The following RAB8B variants were observed in gnomAD, a reference collection of about 807,000 sequenced individuals.
RAB8B encodes ras-related protein Rab-8B.
RAB8B carries 11 observed loss-of-function variants against 32.0 expected under a neutral mutation model. The ratio of observed to expected loss-of-function variants is 0.34; its 90% confidence interval spans 0.22 to 0.57. The LOEUF is 0.57. Ranked by LOEUF, RAB8B falls within the 20% of genes least tolerant of loss-of-function variation. The pLI, the probability that RAB8B is intolerant of heterozygous loss-of-function variation, is 0.86. For missense variants in RAB8B, 190 were observed against 258.5 expected (o/e 0.73, Z 1.82); for synonymous variants, 103 against 89.6 (o/e 1.15, Z -0.85).
At chr15:63,225,113 C>T (rs2037878068) in intron 1 of RAB8B, among the ~76,000 whole-genome samples, 1 of 152,196 alleles carries the variant, frequency 6.6e-6, no homozygotes, top group South Asian at 2.1e-4. Flanking sequence ...TATCATCATG[C>T]TTATCAGACA....
At chr15:63,241,039 G>A (rs1027114358) in intron 1 of RAB8B, among the ~76,000 whole-genome samples, 7 of 152,150 alleles carry the variant, frequency 4.6e-5, no homozygotes, top group African/African-American at 1.4e-4. Context: ...ATACATCGTC[G>A]TTTATTTAAA....
rs73443285 is a variant in RAB8B, at chr15:63,250,338, A to G, written c.246+633A>G. Among the ~76,000 whole-genome samples the G allele has an allele frequency of 4.4e-3, 667 of 152,176 alleles. 4 individuals carry two copies. The highest frequency in any genetic ancestry group is 0.014 in the African/African-American group (596 of 41,508). ...CAAACCACAAGCCCTATGACTAAGTATTCTTTTCTTATACTCTCTTGTCAT... is the reference window on the plus strand; with the variant it reads ...CAAACCACAAGCCCTATGACTAAGTGTTCTTTTCTTATACTCTCTTGTCAT... On this transcript the variant is annotated intron_variant, in intron 3 of 7. Coordinates refer to ENST00000321437, the MANE Select transcript of RAB8B (RefSeq NM_016530.3).
At chr15:63,206,238 A>G (rs1242142129) in intron 1 of RAB8B, among the ~76,000 whole-genome samples, 2 of 152,216 alleles carry the variant, frequency 1.3e-5, no homozygotes, top group East Asian at 3.8e-4. Flanking sequence ...GTATTTATCT[A>G]TAGTAATAAA....
At chr15:63,250,801 T>A (rs2038111488) in intron 3 of RAB8B, among the ~76,000 whole-genome samples, 1 of 150,312 alleles carries the variant, frequency 6.7e-6, no homozygotes, top group Non-Finnish European at 1.5e-5. Flanking sequence ...CTTTGAAGGT[T>A]GAACAACTGA....
intron 1 of RAB8B, among the ~76,000 whole-genome samples, chr15:63,196,903 A>G (rs1278322806): frequency 6.6e-6 from 1 of 152,144 alleles, no homozygotes; most frequent in Non-Finnish European, 1.5e-5. Context: ...CCAACCCCCC[A>G]CTAACATAAA....
At chr15:63,203,986 T>C (rs1441575301) in intron 1 of RAB8B, among the ~76,000 whole-genome samples, 2 of 152,146 alleles carry the variant, frequency 1.3e-5, no homozygotes, top group Non-Finnish European at 2.9e-5. Flanking sequence ...TCCTCTTCTC[T>C]GCAGAGGGTT....
At position 63,217,187 on chromosome 15, in the gene RAB8B, G is replaced by A. The variant is rs571640880; in HGVS notation, c.124+27439G>A. On this transcript the variant is annotated intron_variant, in intron 1 of 7. Coordinates refer to ENST00000321437, the MANE Select transcript of RAB8B (RefSeq NM_016530.3). ...GATAAAAGGAATTCAAATGTACTTC[G>A]AAGAGACTAATGAAAAGATGGTACA... is the stretch of plus-strand genomic sequence containing the variant. 2.4e-4 allele frequency among the ~76,000 whole-genome samples: 36 copies of A among 152,244 alleles called. No homozygotes were observed. In the South Asian group the frequency reaches 2.5e-3, roughly 11 times the overall value.
intron 4 of RAB8B, among the ~76,000 whole-genome samples, chr15:63,256,303 A>G (rs1438408333): frequency 6.6e-6 from 1 of 152,184 alleles, no homozygotes; most frequent in African/African-American, 2.4e-5. Flanking sequence ...CCTCGGGAAG[A>G]AGGTTTGCAC....
At chr15:63,238,613 A>G (rs2038004476) in intron 1 of RAB8B, among the ~76,000 whole-genome samples, 1 of 152,168 alleles carries the variant, frequency 6.6e-6, no homozygotes, top group South Asian at 2.1e-4. Flanking sequence ...AGCTATGAAT[A>G]TAAAATTTTA....
intron 1 of RAB8B, among the ~76,000 whole-genome samples, chr15:63,197,905 A>ATAT (rs1224015149): frequency 6.6e-6 from 1 of 151,818 alleles, no homozygotes; most frequent in Non-Finnish European, 1.5e-5. Flanking sequence ...CTTCCTACAC[A>ATAT]TTTGCTGTTT....
intron 1 of RAB8B, among the ~76,000 whole-genome samples, chr15:63,236,068 G>A (rs2037977339): frequency 6.6e-6 from 1 of 152,166 alleles, no homozygotes; most frequent in Non-Finnish European, 1.5e-5. Flanking sequence ...GTAAATTGCT[G>A]CATCTCTCTT....
At chr15:63,209,009 C>T (rs940954387) in intron 1 of RAB8B, among the ~76,000 whole-genome samples, 22 of 151,564 alleles carry the variant, frequency 1.5e-4, no homozygotes, top group South Asian at 1.3e-3. Flanking sequence ...TCTGCCTCAG[C>T]CTCCCGAGTA....
chr15:63,248,009 T>A lies in RAB8B; in HGVS notation c.186-1636T>A, dbSNP rs960033966. Among the ~76,000 whole-genome samples the A allele has an allele frequency of 6.6e-6, 1 of 152,260 alleles. No individual in the cohort carries two copies. Among genetic ancestry groups the A allele is most frequent in the Non-Finnish European group, 1.5e-5 (1 of 68,042 alleles). On this transcript the variant is annotated intron_variant, in intron 2 of 7. Coordinates refer to ENST00000321437, the MANE Select transcript of RAB8B (RefSeq NM_016530.3). This position sits in a 1 kb window ranked among gnomAD's most constrained non-coding sequence, Gnocchi z 4.4. ...CAGATTTAAAAAATTACATCTTTTC[T>A]CATGATCCCCTCCTTGGGTTTCTCA...
Position 63,225,519 on chromosome 15 carries a change from G to A in RAB8B, c.125-19237G>A, listed in dbSNP as rs1398123346. 2.6e-5 allele frequency among the ~76,000 whole-genome samples: 4 copies of A among 152,142 alleles called. No homozygotes were observed. In the East Asian group the frequency reaches 7.7e-4, roughly 29 times the overall value. ...CCTTTTGGGTGATAAATATATACTT[G>A]CTTCTGGAAATGACAGCAGACACTT... On this transcript the variant is annotated intron_variant, in intron 1 of 7. Coordinates refer to ENST00000321437, the MANE Select transcript of RAB8B (RefSeq NM_016530.3).
At chr15:63,246,119 C>T (rs903999897) in intron 2 of RAB8B, among the ~76,000 whole-genome samples, 3 of 152,132 alleles carry the variant, frequency 2.0e-5, no homozygotes, top group Admixed American at 6.5e-5. Context: ...GTAATCCGCC[C>T]GCCTCAGCCT....
intron 1 of RAB8B, among the ~76,000 whole-genome samples, chr15:63,219,004 ATTTTTTT>A (rs71131152): frequency 1.4e-4 from 13 of 94,672 alleles, no homozygotes; most frequent in East Asian, 3.8e-4. Context: ...CCAGCAGTGG[ATTTTTTT>A]TTTTTTTTTT....
chr15:63,250,004 T>C lies in RAB8B; in HGVS notation c.246+299T>C, dbSNP rs1004565511. On this transcript the variant is annotated intron_variant, in intron 3 of 7. Transcript: ENST00000321437. The stretch of plus-strand genomic sequence containing the variant: ...ACAAAAAATTAGCCGGGCGCGGTGG[T>C]GGGCGCCTGTAGTCCCAGCTACTCG... Among the ~76,000 whole-genome samples the C allele has an allele frequency of 6.9e-3, 1,043 of 151,932 alleles. 26 individuals are homozygous for C. The highest frequency in any genetic ancestry group is 5.1e-3 in the Non-Finnish European group (346 of 67,950).
intron 1 of RAB8B, among the ~76,000 whole-genome samples, chr15:63,213,092 A>G (rs1303400279): frequency 6.6e-6 from 1 of 152,110 alleles, no homozygotes; most frequent in Non-Finnish European, 1.5e-5. Context: ...GGAATCAAAA[A>G]GGAACTCTCT....
intron 1 of RAB8B, among the ~76,000 whole-genome samples, chr15:63,194,046 C>G (rs546199206): frequency 1.3e-5 from 2 of 152,258 alleles, no homozygotes; most frequent in East Asian, 3.9e-4. Context: ...ACAGGACAAT[C>G]AGAGCTTCTT....
Sources: allele counts gnomAD v4.1 joint callset (sites outside exome capture counted in the v4.1 genomes callset), GRCh38; gene constraint gnomAD v4.1.1; non-coding constraint Gnocchi (gnomAD v3.1); transcripts MANE v1.5; gene names NCBI Gene and HGNC (gene_info 2026-07-23, HGNC 2026-07-21).